ABCA13: variants seen among roughly 807,000 people sequenced by gnomAD.
ABCA13 encodes ATP-binding cassette sub-family A member 13.
ABCA13 carries 476 observed loss-of-function variants against 478.7 expected under a neutral mutation model. The observed-to-expected ratio is 0.99, with a 90% CI of 0.92 to 1.07. The LOEUF is 1.07. Among genes scored for constraint, ABCA13 ranks in the 50% least tolerant of loss-of-function variants. The pLI, the probability that ABCA13 is intolerant of heterozygous loss-of-function variation, is 0.00. For missense variants in ABCA13, 6,060 were observed against 5,910.6 expected (o/e 1.03, Z -0.83); for synonymous variants, 2,252 against 2,158.9 (o/e 1.04, Z -1.20).
Position 48,274,092 on chromosome 7 carries a change from A to G in ABCA13, c.4426A>G (p.Thr1476Ala), listed in dbSNP as rs778718570. Residue 1476 changes from threonine (T) to alanine (A), a missense_variant, in exon 17 of 62, where the codon ACA becomes GCA. Thr to Ala is a moderately conservative substitution (Grantham distance 58, BLOSUM62 0). This residue lies in a region of ABCA13 where 4,423 missense variants were observed against 4,309.1 expected (regional missense o/e 1.03). Transcript: ENST00000435803. ...TGACTTTCTAAATATTGTACTTACTACAGTCTTTGAAAAAGAGAAGAAACC... is the reference window on the plus strand; with the variant it reads ...TGACTTTCTAAATATTGTACTTACTGCAGTCTTTGAAAAAGAGAAGAAACC... ...VTDFLNIVLTTVFEKEKKPKF... is the reference protein window; with the variant it reads ...VTDFLNIVLTAVFEKEKKPKF... 2.5e-6 allele frequency: 4 copies of G among 1,606,996 alleles called. No individual in the cohort carries two copies. Among genetic ancestry groups the G allele is most frequent in the Admixed American group, 1.7e-5 (1 of 59,376 alleles).
chr7:48,445,555 C>T (rs961418849), intron 42 of ABCA13, among the ~76,000 whole-genome samples: 1 of 152,104 alleles, frequency 6.6e-6, no homozygotes, highest in Non-Finnish European at 1.5e-5. Flanking sequence ...CTACTCTTTC[C>T]CCCTTCTCTG....
At chr7:48,515,037 C>T (rs59227959) in intron 51 of ABCA13, among the ~76,000 whole-genome samples, 24,799 of 151,958 alleles carry the variant, frequency 0.16, 2,273 homozygotes, top group African/African-American at 0.22. Context: ...TCATGGATGT[C>T]ATATGAAAGG....
intron 48 of ABCA13, among the ~76,000 whole-genome samples, chr7:48,505,848 A>C (rs1389055952): frequency 6.6e-6 from 1 of 152,234 alleles, no homozygotes; most frequent in Non-Finnish European, 1.5e-5. Context: ...AAGCCCAAGA[A>C]AGCAAACAAA....
chr7:48,576,758 A>T (rs1788226636), intron 55 of ABCA13, among the ~76,000 whole-genome samples: 1 of 152,152 alleles, frequency 6.6e-6, no homozygotes. Context: ...AGGACACTAG[A>T]ACTAACACCA....
intron 55 of ABCA13, among the ~76,000 whole-genome samples, chr7:48,534,413 CCTTGT>C (rs1313895704): frequency 6.6e-6 from 1 of 152,054 alleles, no homozygotes; most frequent in East Asian, 1.9e-4. Flanking sequence ...AGATTCTTTC[CCTTGT>C]CTTTACTTTA....
chr7:48,566,621 A>G (rs1343655670), intron 55 of ABCA13, among the ~76,000 whole-genome samples: 1 of 152,170 alleles, frequency 6.6e-6, no homozygotes, highest in African/African-American at 2.4e-5. Flanking sequence ...TTATTATCAT[A>G]TGACCTCCTT....
intron 36 of ABCA13, among the ~76,000 whole-genome samples, chr7:48,388,262 G>A (rs886558272): frequency 1.5e-4 from 23 of 152,194 alleles, no homozygotes; most frequent in Admixed American, 6.5e-5. Flanking sequence ...AAATTGAAGC[G>A]TTAGTCCCAA....
intron 32 of ABCA13, 109 bp from the exon 33 acceptor site, chr7:48,372,059 C>G (rs1812711430): frequency 8.8e-7 from 1 of 1,133,906 alleles, no homozygotes; most frequent in South Asian, 1.7e-5. Flanking sequence ...AATTTGCAAG[C>G]AAGCAGATTT....
At chr7:48,326,071 G>T (rs1804282803) in intron 27 of ABCA13, among the ~76,000 whole-genome samples, 1 of 152,212 alleles carries the variant, frequency 6.6e-6, no homozygotes, top group East Asian at 1.9e-4. Context: ...GGGATGCCAT[G>T]GATGTTGCCT....
intron 39 of ABCA13, among the ~76,000 whole-genome samples, chr7:48,405,932 A>G (rs536888384): frequency 6.6e-6 from 1 of 152,310 alleles, no homozygotes; most frequent in Admixed American, 6.5e-5. Flanking sequence ...AAGCGATTAG[A>G]TAGGCGGTAT....
chr7:48,619,181 G>C (rs1014833739), intron 59 of ABCA13, among the ~76,000 whole-genome samples: 3 of 152,184 alleles, frequency 2.0e-5, no homozygotes, highest in African/African-American at 7.2e-5. Flanking sequence ...GCTTGTTTCA[G>C]AGCTATTATC....
intron 59 of ABCA13, among the ~76,000 whole-genome samples, chr7:48,627,637 C>T (rs1267055164): frequency 6.6e-6 from 1 of 152,154 alleles, no homozygotes; most frequent in Non-Finnish European, 1.5e-5. Context: ...ATCATTTTCT[C>T]ACCTGCGTTA....
chr7:48,410,772 TG>T, intron 40 of ABCA13, 95 bp downstream of exon 40: 1 of 1,500,694 alleles, frequency 6.7e-7, no homozygotes, highest in Non-Finnish European at 9.0e-7. Context: ...AACGTCTCAG[TG>T]GAGGCCTTCT....
chr7:48,172,794 T>C (rs1794308108), intron 1 of ABCA13, among the ~76,000 whole-genome samples: 1 of 59,198 alleles, frequency 1.7e-5, no homozygotes, highest in Admixed American at 3.3e-4. Flanking sequence ...CGAGACTCCG[T>C]CTCAAAAAAA....
intron 29 of ABCA13, among the ~76,000 whole-genome samples, chr7:48,338,879 T>C (rs1465166717): frequency 6.6e-6 from 1 of 152,236 alleles, no homozygotes; most frequent in Non-Finnish European, 1.5e-5. Context: ...GCAATTGATG[T>C]ATCTGTGAAT....
intron 43 of ABCA13, among the ~76,000 whole-genome samples, chr7:48,459,480 A>G (rs1826022836): frequency 6.6e-6 from 1 of 151,568 alleles, no homozygotes; most frequent in Non-Finnish European, 1.5e-5. Context: ...CACTCTATAC[A>G]CTCTAATGTT....
intron 41 of ABCA13, among the ~76,000 whole-genome samples, chr7:48,416,742 A>T (rs1368654): frequency 0.17 from 26,092 of 151,584 alleles, 2,598 homozygotes; most frequent in East Asian, 0.25. Flanking sequence ...TAGAGGCTGC[A>T]CCTTTTGCTT....
At chr7:48,462,451 C>CA (rs1563297600) in intron 43 of ABCA13, among the ~76,000 whole-genome samples, 1 of 151,938 alleles carries the variant, frequency 6.6e-6, no homozygotes, top group African/African-American at 2.4e-5. Flanking sequence ...ATTCCCCCCC[C>CA]CCTACTGTTT....
At chr7:48,522,360 G>A (rs1832607086) in intron 53 of ABCA13, among the ~76,000 whole-genome samples, 1 of 152,018 alleles carries the variant, frequency 6.6e-6, no homozygotes, top group African/African-American at 2.4e-5. Context: ...GCTGGCCTTG[G>A]GTTGTTTGCC....
Sources: allele counts gnomAD v4.1 joint callset (sites outside exome capture counted in the v4.1 genomes callset), GRCh38; gene constraint gnomAD v4.1.1; regional missense constraint gnomAD v4.1.1; transcripts MANE v1.5; gene names NCBI Gene and HGNC (gene_info 2026-07-23, HGNC 2026-07-21).